Variants in SLC16A2 observed in about 807,000 individuals in gnomAD.
The protein encoded by SLC16A2 is solute carrier family 16 member 2.
Under a neutral mutation model 27.2 loss-of-function variants are expected in SLC16A2, and 3 were observed. The observed-to-expected ratio is 0.11, with a 90% CI of 0.05 to 0.28. SLC16A2 has a LOEUF of 0.28. SLC16A2 is among the 10% of genes least tolerant of loss of function. The pLI is 1.00. For synonymous variants in SLC16A2, 202 were observed against 187.8 expected, an observed-to-expected ratio of 1.08 and a Z score of -0.62; for missense variants, 295 against 458.5, an observed-to-expected ratio of 0.64 and a Z score of 3.26.
chrX:74,436,047 G>T (rs1928626728), intron 1 of SLC16A2, among the ~76,000 whole-genome samples: 1 of 111,382 alleles, frequency 9.0e-6, no homozygotes, highest in Admixed American at 9.6e-5. Flanking sequence ...GTGAGGTTGT[G>T]AGTGGAAGAG....
Position 74,421,662 on chromosome X carries a change from G to C in SLC16A2, c.25G>C (p.Glu9Gln), listed in dbSNP as rs933036653. The C allele has an allele frequency of 1.7e-6, 2 of 1,203,566 alleles. No homozygotes were observed. The highest frequency in any genetic ancestry group is 3.5e-5 in the African/African-American group (2 of 57,945). The change falls in exon 1 of 6, where the codon GAG becomes CAG. Residue 9 changes from glutamate (E) to glutamine (Q), a missense_variant. By Grantham distance (29) the Glu-to-Gln change is conservative (BLOSUM62 2). Coordinates refer to ENST00000587091, the MANE Select transcript of SLC16A2 (RefSeq NM_006517.5). MALQSQAS[E>Q]EAKGPWQEAD... ...GATGGCGCTGCAAAGCCAGGCGAGC[G>C]AGGAAGCAAAGGGGCCCTGGCAGGA...
At chrX:74,456,527 G>GACAACA (rs3066232) in intron 1 of SLC16A2, among the ~76,000 whole-genome samples, 1 of 108,298 alleles carries the variant, frequency 9.2e-6, no homozygotes, top group Non-Finnish European at 1.9e-5. Flanking sequence ...CCTGTGCAAC[G>GACAACA]ACAACAACAA....
chrX:74,430,374 T>G (rs1210624057), intron 1 of SLC16A2, among the ~76,000 whole-genome samples: 1 of 110,613 alleles, frequency 9.0e-6, no homozygotes, highest in Non-Finnish European at 1.9e-5. Context: ...ACCAAGGGAG[T>G]TGCAGTTTTT....
intron 1 of SLC16A2, among the ~76,000 whole-genome samples, chrX:74,489,184 C>T (rs1929778354): frequency 1.8e-5 from 2 of 111,927 alleles, no homozygotes; most frequent in Non-Finnish European, 3.8e-5. Context: ...TAAGTTACTT[C>T]CCTGTTAACC....
At chrX:74,516,183 C>T (rs1319656496) in intron 1 of SLC16A2, among the ~76,000 whole-genome samples, 1 of 110,775 alleles carries the variant, frequency 9.0e-6, no homozygotes, top group Admixed American at 9.6e-5. Context: ...ACCTCAGCCT[C>T]CTGAGTAGCT....
intron 1 of SLC16A2, among the ~76,000 whole-genome samples, chrX:74,480,996 C>T (rs905389401): frequency 8.9e-6 from 1 of 112,406 alleles, no homozygotes. Context: ...ATGTGATCTT[C>T]TTTGTCTTTT....
intron 1 of SLC16A2, among the ~76,000 whole-genome samples, chrX:74,455,528 T>G (rs139470203): frequency 0.013 from 1,463 of 111,355 alleles, 21 homozygotes; most frequent in African/African-American, 0.046. Context: ...CAATGAAGAA[T>G]GTGCAGGATA....
At chrX:74,518,097 G>A (rs1930345192) in intron 1 of SLC16A2, among the ~76,000 whole-genome samples, 1 of 112,055 alleles carries the variant, frequency 8.9e-6, no homozygotes, top group Admixed American at 9.5e-5. Context: ...CTAGGTTCAG[G>A]TTTTTGTGTG....
intron 1 of SLC16A2, among the ~76,000 whole-genome samples, chrX:74,506,202 A>T (rs1454880891): frequency 1.8e-5 from 2 of 111,604 alleles, no homozygotes; most frequent in Non-Finnish European, 3.8e-5. Context: ...AAGGCCTCCA[A>T]CCCACCATTT....
intron 1 of SLC16A2, among the ~76,000 whole-genome samples, chrX:74,485,929 GC>G (rs1929710060): frequency 9.0e-6 from 1 of 111,035 alleles, no homozygotes; most frequent in East Asian, 2.8e-4. Context: ...CTCAGCTCGA[GC>G]CGTAACAAAC....
intron 1 of SLC16A2, among the ~76,000 whole-genome samples, chrX:74,453,052 C>CTTT (rs5902727): frequency 2.1e-5 from 2 of 96,152 alleles, no homozygotes; most frequent in East Asian, 3.4e-4. Flanking sequence ...GTGCAGGTTG[C>CTTT]TTTTTTTTTT....
At position 74,529,324 on chromosome X, in the gene SLC16A2, A is replaced by G; in HGVS notation, c.1282A>G (p.Ile428Val). 4 of 1,209,480 alleles carry G rather than the reference A, an allele frequency of 3.3e-6. No individual in the cohort carries two copies. Among genetic ancestry groups the G allele is most frequent in the Non-Finnish European group, 4.5e-6 (4 of 894,044 alleles). The change falls in exon 5 of 6, where the codon ATC (isoleucine) becomes GTC (valine). Residue 428 changes from isoleucine to valine, a missense_variant. Transcript: ENST00000587091. ...CCTGGGCCTTTGCGATGGCTTCTTC[A>G]TCACCATCATGGCCCCCATTGCATT... is the stretch of plus-strand genomic sequence containing the variant. ...LFLGLCDGFF[I>V]TIMAPIAFEL...
At chrX:74,472,299 A>G (rs773637234) in intron 1 of SLC16A2, among the ~76,000 whole-genome samples, 1 of 111,814 alleles carries the variant, frequency 8.9e-6, no homozygotes, top group Non-Finnish European at 1.9e-5. Flanking sequence ...ATTTACTTCT[A>G]TGCTTTCTTC....
intron 2 of SLC16A2, among the ~76,000 whole-genome samples, chrX:74,523,378 C>G (rs1050473686): frequency 8.9e-6 from 1 of 112,355 alleles, no homozygotes; most frequent in Non-Finnish European, 1.9e-5. Flanking sequence ...ACTGCCTGAC[C>G]AAGAAGAGTA....
chrX:74,494,959 A>G (rs943353674), intron 1 of SLC16A2, among the ~76,000 whole-genome samples: 2 of 111,531 alleles, frequency 1.8e-5, no homozygotes, highest in African/African-American at 6.5e-5. Context: ...CCCCACCCTC[A>G]TACTAGTCCA....
intron 1 of SLC16A2, among the ~76,000 whole-genome samples, chrX:74,484,382 G>A (rs758878066): frequency 8.9e-6 from 1 of 112,381 alleles, no homozygotes; most frequent in East Asian, 2.8e-4. Flanking sequence ...AATTGGTTGA[G>A]TTTGTTTAAG....
chrX:74,507,990 C>A (rs1289103481), intron 1 of SLC16A2, among the ~76,000 whole-genome samples: 2 of 111,954 alleles, frequency 1.8e-5, no homozygotes, highest in Middle Eastern at 4.7e-3. Flanking sequence ...TACTGATTTT[C>A]TTTCCTTTGG....
intron 1 of SLC16A2, among the ~76,000 whole-genome samples, chrX:74,497,878 C>T (rs374338772): frequency 1.2e-4 from 13 of 108,951 alleles, no homozygotes; most frequent in East Asian, 5.8e-4. Flanking sequence ...GAAGGGGGAA[C>T]GAATGAGAAA....
intron 1 of SLC16A2, among the ~76,000 whole-genome samples, chrX:74,511,214 C>G (rs946393711): frequency 9.0e-6 from 1 of 110,632 alleles, no homozygotes; most frequent in Non-Finnish European, 1.9e-5. Flanking sequence ...CGGAGTCTCG[C>G]TCTGTCGCCC....
Sources: allele counts gnomAD v4.1 joint callset (sites outside exome capture counted in the v4.1 genomes callset), GRCh38; gene constraint gnomAD v4.1.1; transcripts MANE v1.5; gene names NCBI Gene and HGNC (gene_info 2026-07-23, HGNC 2026-07-21).